The following EYS variants were observed in gnomAD, a reference collection of about 807,000 sequenced individuals.
The protein encoded by EYS is protein eyes shut homolog.
A neutral mutation model predicts 282.1 loss-of-function variants in EYS; 250 were observed. The observed-to-expected ratio is 0.89, with a 90% CI of 0.80 to 0.98. EYS has a LOEUF of 0.98. EYS is among the 50% of genes least tolerant of loss of function. The pLI is 0.00. For synonymous variants in EYS, 1,355 were observed against 1,282.9 expected (o/e 1.06, Z -1.20); for missense variants, 4,016 against 3,709.0 (o/e 1.08, Z -2.15).
At chr6:65,235,291 T>C in intron 12 of EYS, among the ~76,000 whole-genome samples, 1 of 152,158 alleles carries the variant, frequency 6.6e-6, no homozygotes, top group East Asian at 1.9e-4. Context: ...TCATCCTTAA[T>C]AGTACTGTGA....
At chr6:65,340,934 G>T (rs1255138924) in intron 10 of EYS, among the ~76,000 whole-genome samples, 1 of 151,004 alleles carries the variant, frequency 6.6e-6, no homozygotes. Context: ...CTCTCCAACT[G>T]TGAAAGTGAC....
At chr6:64,596,689 A>C (rs534190054) in intron 24 of EYS, among the ~76,000 whole-genome samples, 8 of 152,322 alleles carry the variant, frequency 5.3e-5, no homozygotes, top group Non-Finnish European at 1.2e-4. Context: ...CGTATCTCTC[A>C]CCATATACAA....
chr6:63,789,372 G>A (rs1770451182), intron 37 of EYS, 148 bp from the exon 38 acceptor site: 1 of 720,574 alleles, frequency 1.4e-6, no homozygotes, highest in African/African-American at 1.8e-5. Flanking sequence ...AGGTATATGT[G>A]CAACTGGCTG....
rs1261702937 is a variant in EYS, at chr6:63,720,771, A to T, written c.9260T>A (p.Leu3087Gln). The change falls in exon 43 of 43, where the codon CTA becomes CAA. Residue 3087 changes from leucine to glutamine, a missense_variant. Leu to Gln is a moderately radical substitution (Grantham distance 113, BLOSUM62 -2). Transcript: ENST00000503581. ...CTTTCTACCATATTCAAAGCCCCCT[A>T]GATAACAAATGCCATCATAGTTTAG... ...VALNYDGICY[L>Q]GGFEYGRKVN... 1.3e-6 allele frequency: 2 copies of T among 1,550,760 alleles called. No homozygotes were observed. Among genetic ancestry groups the T allele is most frequent in the African/African-American group, 2.7e-5 (2 of 73,002 alleles).
intron 12 of EYS, among the ~76,000 whole-genome samples, chr6:65,100,041 T>C (rs950903664): frequency 4.6e-5 from 7 of 150,782 alleles, no homozygotes; most frequent in African/African-American, 1.7e-4. Flanking sequence ...CTTCTCCCAG[T>C]TGATATAGAG....
intron 2 of EYS, among the ~76,000 whole-genome samples, chr6:65,630,600 G>T (rs1766876933): frequency 6.6e-6 from 1 of 152,176 alleles, no homozygotes; most frequent in South Asian, 2.1e-4. Flanking sequence ...AAATACATTT[G>T]ACAGAACTTC....
chr6:63,945,901 C>T (rs974224643), intron 35 of EYS, among the ~76,000 whole-genome samples: 3 of 152,212 alleles, frequency 2.0e-5, no homozygotes, highest in Non-Finnish European at 4.4e-5. Flanking sequence ...AATGGCTTCA[C>T]AAGTATTTGT....
At chr6:64,451,237 G>A (rs1365847107) in intron 26 of EYS, among the ~76,000 whole-genome samples, 2 of 152,152 alleles carry the variant, frequency 1.3e-5, no homozygotes, top group African/African-American at 2.4e-5. Flanking sequence ...ACACCTCTAT[G>A]CAAATAAACT....
chr6:64,027,113 A>T lies in EYS; in HGVS notation c.6726-27930T>A, dbSNP rs143429725. Among the ~76,000 whole-genome samples the T allele has an allele frequency of 1.5e-3, 232 of 152,300 alleles. 1 individual carries two copies. The highest frequency in any genetic ancestry group is 4.9e-3 in the African/African-American group (205 of 41,550). ...GATAGAATGACAGCCGAAGAAAGGG[A>T]CAAATTCCCTACCAGTCAGCAAGCC... On this transcript the variant is annotated intron_variant, in intron 33 of 42. Transcript: ENST00000503581.
chr6:65,032,669 ATCTC>A (rs952594459), intron 13 of EYS, among the ~76,000 whole-genome samples: 1 of 151,824 alleles, frequency 6.6e-6, no homozygotes, highest in Admixed American at 6.6e-5. Context: ...CTAATGAAAT[ATCTC>A]TCTCTTTTTT....
intron 12 of EYS, among the ~76,000 whole-genome samples, chr6:65,169,494 C>G (rs932878944): frequency 8.6e-5 from 13 of 151,364 alleles, no homozygotes; most frequent in Admixed American, 2.0e-4. Flanking sequence ...TCAGAAAACA[C>G]AGTATAACCT....
intron 12 of EYS, among the ~76,000 whole-genome samples, chr6:65,116,199 T>C (rs935505273): frequency 1.3e-5 from 2 of 152,150 alleles, no homozygotes; most frequent in Non-Finnish European, 2.9e-5. Context: ...GAATGGAAAC[T>C]AAGCTTAGTG....
At chr6:63,921,138 T>G (rs1764563259) in intron 35 of EYS, among the ~76,000 whole-genome samples, 1 of 152,162 alleles carries the variant, frequency 6.6e-6, no homozygotes, top group Non-Finnish European at 1.5e-5. Flanking sequence ...CCTCGTGATC[T>G]GCCCGCCTCG....
In EYS at chr6:64,827,806, C is replaced by T. The variant is rs911231974; in HGVS notation, c.2993-4984G>A. 2.0e-5 allele frequency among the ~76,000 whole-genome samples: 3 copies of T among 151,682 alleles called. No individual in the cohort carries two copies. In the South Asian group the frequency reaches 6.2e-4, roughly 31 times the overall value. ...GTAAAAGATTTCCAGATAGGCAGTCCAGCAAATGCTATTCTATGAGGAATA... is the reference window on the plus strand; with the variant it reads ...GTAAAAGATTTCCAGATAGGCAGTCTAGCAAATGCTATTCTATGAGGAATA... On this transcript the variant is annotated intron_variant, in intron 19 of 42. Coordinates refer to ENST00000503581, the MANE Select transcript of EYS (RefSeq NM_001142800.2).
intron 29 of EYS, among the ~76,000 whole-genome samples, chr6:64,382,748 A>T (rs1772787061): frequency 6.6e-6 from 1 of 152,218 alleles, no homozygotes; most frequent in Admixed American, 6.5e-5. Flanking sequence ...TTAAGAGAGA[A>T]TCTTGAGTGG....
Position 63,968,518 on chromosome 6 carries a change from A to G in EYS, c.7055+15865T>C, listed in dbSNP as rs1766410958. ...CACCTGTGGAATTGAGATTTGAGCA[A>G]GAAAAGCAGTGTGGGAAGATGGATA... On this transcript the variant is annotated intron_variant, in intron 35 of 42. Transcript: ENST00000503581. 1.3e-5 allele frequency among the ~76,000 whole-genome samples: 2 copies of G among 152,218 alleles called. 1 individual carries two copies. The highest frequency in any genetic ancestry group is 4.1e-4 in the South Asian group (2 of 4,836).
At chr6:65,471,008 G>A (rs1360562729) in intron 5 of EYS, among the ~76,000 whole-genome samples, 2 of 151,812 alleles carry the variant, frequency 1.3e-5, no homozygotes, top group Non-Finnish European at 2.9e-5. Context: ...ATGGTGGCAC[G>A]CACCTGTAAT....
chr6:65,506,626 T>C (rs1766669731), intron 2 of EYS, among the ~76,000 whole-genome samples: 1 of 149,500 alleles, frequency 6.7e-6, no homozygotes. Context: ...TACCAGCACA[T>C]GTCACCAGAC....
At chr6:64,741,824 C>A (rs1384830657) in intron 22 of EYS, among the ~76,000 whole-genome samples, 1 of 152,186 alleles carries the variant, frequency 6.6e-6, no homozygotes, top group Non-Finnish European at 1.5e-5. Flanking sequence ...GAGTCAGGGT[C>A]TTGCTCTGGA....
Sources: allele counts gnomAD v4.1 joint callset (sites outside exome capture counted in the v4.1 genomes callset), GRCh38; gene constraint gnomAD v4.1.1; transcripts MANE v1.5; gene names NCBI Gene and HGNC (gene_info 2026-07-23, HGNC 2026-07-21).